CEMIP: variants seen among roughly 807,000 people sequenced by gnomAD.
The protein encoded by CEMIP is cell migration inducing hyaluronidase 1, also known as cell migration-inducing and hyaluronan-binding protein.
CEMIP carries 105 observed loss-of-function variants against 156.9 expected under a neutral mutation model. That is an observed-to-expected ratio of 0.67 (90% CI 0.57 to 0.79). The LOEUF (loss-of-function observed/expected upper bound fraction) is 0.79. CEMIP is among the 30% of genes least tolerant of loss of function. The pLI is 0.00. For synonymous variants in CEMIP, 676 were observed against 668.4 expected, an observed-to-expected ratio of 1.01 and a Z score of -0.17; for missense variants, 1,457 against 1,769.4, an observed-to-expected ratio of 0.82 and a Z score of 3.17.
chr15:80,853,841 T>C (rs1897772822), intron 1 of CEMIP, among the ~76,000 whole-genome samples: 1 of 152,246 alleles, frequency 6.6e-6, no homozygotes. Flanking sequence ...CGATTTTGTA[T>C]TGTTCAACCT....
chr15:80,882,779 CACAT>C (rs1387539330), intron 6 of CEMIP, among the ~76,000 whole-genome samples: 3 of 145,770 alleles, frequency 2.1e-5, no homozygotes, highest in Non-Finnish European at 3.1e-5. Flanking sequence ...CACACACACA[CACAT>C]ACACACACAC....
intron 1 of CEMIP, among the ~76,000 whole-genome samples, chr15:80,847,329 A>T (rs574570857): frequency 6.6e-6 from 1 of 152,344 alleles, no homozygotes; most frequent in Admixed American, 6.5e-5. Context: ...AACTGCAGGC[A>T]TGAGCTGCTG....
intron 1 of CEMIP, among the ~76,000 whole-genome samples, chr15:80,800,021 A>ATGTGTGTG (rs56412231): frequency 0.041 from 5,161 of 124,824 alleles, 243 homozygotes; most frequent in East Asian, 0.14. Flanking sequence ...AGCTAATTTT[A>ATGTGTGTG]TGTGTGTGTG....
Position 80,833,245 on chromosome 15 carries a change from G to A in CEMIP, c.-175-40293G>A, listed in dbSNP as rs555331270. Among the ~76,000 whole-genome samples the A allele has an allele frequency of 8.6e-5, 13 of 151,898 alleles. No individual in the cohort carries two copies. The East Asian group carries it at 2.3e-3, about 27-fold the overall frequency. On this transcript the variant is annotated intron_variant, in intron 1 of 29. Transcript: ENST00000394685. ...AAATTCGGGGACCCAGCAAGATGTG[G>A]CCTGAGCAGTGGCTGCCCCTGTAGA...
chr15:80,804,329 A>C (rs762010177), intron 1 of CEMIP, among the ~76,000 whole-genome samples: 15 of 152,214 alleles, frequency 9.9e-5, no homozygotes, highest in Non-Finnish European at 1.8e-4. Flanking sequence ...TTTTTTGTAA[A>C]TAATATGGCT....
At chr15:80,855,720 G>A (rs905871828) in intron 1 of CEMIP, among the ~76,000 whole-genome samples, 1 of 152,028 alleles carries the variant, frequency 6.6e-6, no homozygotes, top group Non-Finnish European at 1.5e-5. Context: ...ACGGGGTTTT[G>A]CCATGTTGGC....
intron 29 of CEMIP, 108 bp from the exon 30 acceptor site, chr15:80,948,689 G>A (rs1209479342): frequency 6.9e-7 from 1 of 1,442,738 alleles, no homozygotes; most frequent in Non-Finnish European, 9.7e-7. Flanking sequence ...GTGTGGCTAG[G>A]CGGTACCTGG....
chr15:80,855,224 TC>T (rs1222607574), intron 1 of CEMIP, among the ~76,000 whole-genome samples: 1 of 152,126 alleles, frequency 6.6e-6, no homozygotes, highest in Non-Finnish European at 1.5e-5. Flanking sequence ...TCAAAGCTCC[TC>T]CTCACCAACA....
At chr15:80,877,903 G>T (rs964406486) in intron 3 of CEMIP, among the ~76,000 whole-genome samples, 5 of 152,320 alleles carry the variant, frequency 3.3e-5, no homozygotes, top group African/African-American at 9.6e-5. Flanking sequence ...TCTCTTCCAT[G>T]GGAATGGTCC....
intron 1 of CEMIP, among the ~76,000 whole-genome samples, chr15:80,872,140 A>G (rs1037835555): frequency 6.2e-4 from 95 of 152,320 alleles, no homozygotes; most frequent in African/African-American, 2.2e-3. Context: ...TTGAACCGAA[A>G]GGTCAGGGGT....
chr15:80,812,511 C>T (rs1251829377), intron 1 of CEMIP, among the ~76,000 whole-genome samples: 1 of 152,158 alleles, frequency 6.6e-6, no homozygotes, highest in Admixed American at 6.5e-5. Flanking sequence ...GTATAATGGG[C>T]CCAATAGTAC....
intron 25 of CEMIP, 24 bp from the exon 26 acceptor site, chr15:80,941,825 C>T: frequency 6.2e-7 from 1 of 1,607,478 alleles, no homozygotes; most frequent in South Asian, 1.1e-5. Context: ...CAAGCAAATG[C>T]CCAGCAATGC....
chr15:80,781,541 C>A (rs573402031), intron 1 of CEMIP, among the ~76,000 whole-genome samples: 2 of 152,120 alleles, frequency 1.3e-5, no homozygotes, highest in East Asian at 3.8e-4. Context: ...TTTGTCATTT[C>A]CACCCATACT....
chr15:80,894,854 A>G, intron 10 of CEMIP, 136 bp from the exon 11 acceptor site: 2 of 1,053,828 alleles, frequency 1.9e-6, no homozygotes. Flanking sequence ...TGGGATAATC[A>G]TCTCGGGCCG....
intron 1 of CEMIP, among the ~76,000 whole-genome samples, chr15:80,801,916 T>C (rs1267305862): frequency 6.6e-6 from 1 of 152,238 alleles, no homozygotes; most frequent in Non-Finnish European, 1.5e-5. Flanking sequence ...TTAGGTATTA[T>C]AAGTAATCTA....
intron 19 of CEMIP, among the ~76,000 whole-genome samples, chr15:80,926,818 GT>G (rs2030186374): frequency 8.2e-6 from 1 of 122,650 alleles, no homozygotes; most frequent in African/African-American, 4.9e-5. Context: ...GACTGAGCGG[GT>G]GGGGGGGGGG....
At chr15:80,891,355 C>G (rs1037720723) in intron 10 of CEMIP, among the ~76,000 whole-genome samples, 2 of 152,174 alleles carry the variant, frequency 1.3e-5, no homozygotes, top group Admixed American at 6.5e-5. Context: ...CACAATTAAA[C>G]CCAGGCTGAG....
rs1203768016 is a variant in CEMIP, at chr15:80,887,773, T to C, written c.868+9T>C. On this transcript the variant is annotated intron_variant, in intron 8 of 29. Transcript: ENST00000394685. ...CCATATTGAATATCATGGTAATACATAGCTGGCTGGAGGCCTGATTCCCTC... is the reference window on the plus strand; with the variant it reads ...CCATATTGAATATCATGGTAATACACAGCTGGCTGGAGGCCTGATTCCCTC... The C allele has an allele frequency of 5.0e-6, 8 of 1,608,948 alleles. No individual in the cohort carries two copies. Among genetic ancestry groups the C allele is most frequent in the East Asian group, 2.2e-5 (1 of 44,842 alleles).
chr15:80,827,970 T>C (rs1897076245), intron 1 of CEMIP, among the ~76,000 whole-genome samples: 1 of 152,160 alleles, frequency 6.6e-6, no homozygotes, highest in Non-Finnish European at 1.5e-5. Flanking sequence ...GAATCCTAAG[T>C]AGATAGATCC....
Sources: allele counts gnomAD v4.1 joint callset (sites outside exome capture counted in the v4.1 genomes callset), GRCh38; gene constraint gnomAD v4.1.1; transcripts MANE v1.5; gene names NCBI Gene and HGNC (gene_info 2026-07-23, HGNC 2026-07-21).